The following THRB variants were observed in gnomAD, a reference collection of about 807,000 sequenced individuals.
THRB encodes the protein thyroid hormone receptor beta.
THRB carries 12 observed loss-of-function variants against 47.8 expected under a neutral mutation model. The observed-to-expected ratio is 0.25, with a 90% confidence interval of 0.16 to 0.41. The LOEUF is 0.41. Among genes scored for constraint, THRB ranks in the 10% least tolerant of loss-of-function variants. The pLI is 1.00. For synonymous variants in THRB, 218 were observed against 212.2 expected, an observed-to-expected ratio of 1.03 and a Z score of -0.24; for missense variants, 348 against 589.2, an observed-to-expected ratio of 0.59 and a Z score of 4.24.
intron 8 of THRB, among the ~76,000 whole-genome samples, chr3:24,141,139 G>A (rs919562937): frequency 3.3e-5 from 5 of 152,194 alleles, no homozygotes; most frequent in Non-Finnish European, 7.3e-5. Context: ...GCCCTACAAG[G>A]AGAATAAAAC....
intron 5 of THRB, among the ~76,000 whole-genome samples, chr3:24,174,619 T>C (rs1032129640): frequency 6.6e-6 from 1 of 152,246 alleles, no homozygotes; most frequent in Non-Finnish European, 1.5e-5. Flanking sequence ...ATGTAGCTCC[T>C]GACTACTTTC....
At chr3:24,145,535 A>G (rs536517325) in intron 7 of THRB, among the ~76,000 whole-genome samples, 54 of 152,322 alleles carry the variant, frequency 3.5e-4, no homozygotes, top group Admixed American at 1.2e-3. Context: ...TATCCCTATC[A>G]GGCATATTGT....
chr3:24,348,540 C>G (rs981619290), intron 1 of THRB: 6 of 152,248 alleles, frequency 3.9e-5, no homozygotes, highest in Non-Finnish European at 8.8e-5. Context: ...TCCCCAGTTA[C>G]TTAGTGAGCC....
intron 8 of THRB, among the ~76,000 whole-genome samples, chr3:24,142,232 A>G (rs918010077): frequency 1.9e-4 from 29 of 152,364 alleles, no homozygotes; most frequent in Admixed American, 1.3e-4. Context: ...TATTAACCAC[A>G]TCTACCTACA....
intron 1 of THRB, among the ~76,000 whole-genome samples, chr3:24,400,837 C>T (rs1181696700): frequency 6.6e-6 from 1 of 152,050 alleles, no homozygotes; most frequent in Non-Finnish European, 1.5e-5. Context: ...CCCCTCAGAA[C>T]TTTCACTGGG....
At chr3:24,437,298 T>C (rs748143627) in intron 1 of THRB, among the ~76,000 whole-genome samples, 4 of 151,850 alleles carry the variant, frequency 2.6e-5, no homozygotes, top group Admixed American at 2.6e-4. Context: ...AAGACAAATA[T>C]TGCATGTTCT....
intron 1 of THRB, among the ~76,000 whole-genome samples, chr3:24,426,310 T>C (rs1469522680): frequency 6.6e-6 from 1 of 151,938 alleles, no homozygotes; most frequent in African/African-American, 2.4e-5. Context: ...ATAACTGCTA[T>C]AGGGGCCACC....
intron 1 of THRB, among the ~76,000 whole-genome samples, chr3:24,365,771 A>C (rs1171733653): frequency 6.6e-6 from 1 of 152,160 alleles, no homozygotes; most frequent in Non-Finnish European, 1.5e-5. Context: ...ATACCTTATA[A>C]TTCTTATGCC....
Position 24,176,814 on chromosome 3 carries a change from C to T in THRB, c.283+13260G>A, listed in dbSNP as rs368712680. Among the ~76,000 whole-genome samples, 28 of 152,158 alleles carry T rather than the reference C, an allele frequency of 1.8e-4. 1 individual carries two copies. Among genetic ancestry groups the T allele is most frequent in the African/African-American group, 2.9e-4 (12 of 41,530 alleles). ...CACAGGAATGGGGAGTAACTGTAAA[C>T]GACTCAAAGTTTCTTTTGGGATGAT... On this transcript the variant is annotated intron_variant, in intron 5 of 10. Coordinates refer to ENST00000646209, the MANE Select transcript of THRB (RefSeq NM_001354712.2).
At chr3:24,125,295 A>G (rs2032538880) in intron 10 of THRB, among the ~76,000 whole-genome samples, 1 of 152,202 alleles carries the variant, frequency 6.6e-6, no homozygotes, top group African/African-American at 2.4e-5. Context: ...AAAAGAAGGT[A>G]AGTGTCAAGA....
chr3:24,321,744 A>T (rs1576823149), intron 2 of THRB, among the ~76,000 whole-genome samples: 1 of 152,236 alleles, frequency 6.6e-6, no homozygotes, highest in Non-Finnish European at 1.5e-5. Flanking sequence ...GATGTTCAAC[A>T]CTGTAGCCAC....
intron 1 of THRB, among the ~76,000 whole-genome samples, chr3:24,465,570 A>C (rs990814031): frequency 6.6e-6 from 1 of 152,044 alleles, no homozygotes; most frequent in Non-Finnish European, 1.5e-5. Flanking sequence ...GACAGGCTTA[A>C]TTTTTGTATG....
At chr3:24,149,460 T>G (rs1262942555) in intron 6 of THRB, among the ~76,000 whole-genome samples, 2 of 152,176 alleles carry the variant, frequency 1.3e-5, no homozygotes, top group Non-Finnish European at 2.9e-5. Flanking sequence ...GAGAATGAGG[T>G]GTGACACACC....
intron 8 of THRB, among the ~76,000 whole-genome samples, chr3:24,138,442 C>T (rs528557740): frequency 3.0e-4 from 45 of 152,122 alleles, no homozygotes; most frequent in Non-Finnish European, 5.6e-4. Flanking sequence ...TAACCACTTA[C>T]GTGGTTGCTA....
chr3:24,269,383 T>G (rs2053026237), intron 3 of THRB, among the ~76,000 whole-genome samples: 1 of 103,758 alleles, frequency 9.6e-6, no homozygotes, highest in Non-Finnish European at 1.9e-5. Flanking sequence ...TCATCATAGC[T>G]CACACGCGCG....
intron 4 of THRB, among the ~76,000 whole-genome samples, chr3:24,197,521 C>A (rs893886940): frequency 6.6e-6 from 1 of 152,148 alleles, no homozygotes; most frequent in African/African-American, 2.4e-5. Flanking sequence ...GTACATGCGC[C>A]CTTTTCCCTC....
At chr3:24,448,947 A>G (rs1426008391) in intron 1 of THRB, among the ~76,000 whole-genome samples, 1 of 152,196 alleles carries the variant, frequency 6.6e-6, no homozygotes, top group Non-Finnish European at 1.5e-5. Flanking sequence ...AATTTAGAGA[A>G]TGGCAAACAA....
chr3:24,481,655 G>A (rs975669689), intron 1 of THRB, among the ~76,000 whole-genome samples: 2 of 152,062 alleles, frequency 1.3e-5, no homozygotes, highest in African/African-American at 4.8e-5. Flanking sequence ...GTGAGGGAAA[G>A]TGTCATTGGA....
At chr3:24,490,639 G>A (rs1020336524) in intron 1 of THRB, among the ~76,000 whole-genome samples, 13 of 152,062 alleles carry the variant, frequency 8.5e-5, no homozygotes, top group African/African-American at 1.7e-4. Context: ...AAGCATCAGG[G>A]GCCACATATT....
Sources: allele counts gnomAD v4.1 joint callset (sites outside exome capture counted in the v4.1 genomes callset), GRCh38; gene constraint gnomAD v4.1.1; transcripts MANE v1.5; gene names NCBI Gene and HGNC (gene_info 2026-07-23, HGNC 2026-07-21).